Variants in STAB2 observed in about 807,000 individuals in gnomAD.
STAB2 encodes the protein stabilin-2.
In STAB2, 288 loss-of-function variants were observed where a neutral mutation model predicts 338.1. The ratio of observed to expected loss-of-function variants is 0.85; its 90% confidence interval spans 0.77 to 0.94. The LOEUF (loss-of-function observed/expected upper bound fraction) is 0.94, where lower values mean the gene tolerates loss of function less well. Among genes scored for constraint, STAB2 ranks in the 40% least tolerant of loss-of-function variants. STAB2 has a pLI of 0.00. For synonymous variants in STAB2, 1,202 were observed against 1,193.3 expected, an observed-to-expected ratio of 1.01 and a Z score of -0.15; for missense variants, 3,141 against 3,210.1, an observed-to-expected ratio of 0.98 and a Z score of 0.52.
intron 6 of STAB2, among the ~76,000 whole-genome samples, chr12:103,633,323 G>T (rs867620453): frequency 6.6e-6 from 1 of 152,184 alleles, no homozygotes; most frequent in African/African-American, 2.4e-5. Flanking sequence ...AAATTCACAT[G>T]GCAGATACAT....
At chr12:103,668,619 C>T (rs374562850) in intron 19 of STAB2, 24 bp from the exon 20 acceptor site, 2 of 1,549,588 alleles carry the variant, frequency 1.3e-6, no homozygotes, top group Admixed American at 2.0e-5. Context: ...GACTGCCATG[C>T]TTTCCCTCCT....
At chr12:103,715,732 C>A in intron 42 of STAB2, 83 bp from the exon 43 acceptor site, 1 of 1,509,350 alleles carries the variant, frequency 6.6e-7, no homozygotes, top group South Asian at 1.1e-5. Context: ...AGTCAGTTAG[C>A]CATCTTAGCT....
At chr12:103,728,667 A>T (rs1881399137) in intron 47 of STAB2, among the ~76,000 whole-genome samples, 182 bp from the exon 48 acceptor site, 1 of 152,166 alleles carries the variant, frequency 6.6e-6, no homozygotes, top group Admixed American at 6.5e-5. Flanking sequence ...AAGGAGCTAG[A>T]GTCACTTCCT....
chr12:103,754,595 G>C (rs756584859), intron 61 of STAB2, among the ~76,000 whole-genome samples: 5 of 152,134 alleles, frequency 3.3e-5, no homozygotes, highest in Admixed American at 1.3e-4. Flanking sequence ...TGGTGGTGAT[G>C]ATGGGGAGGA....
rs747762448 is a variant in STAB2 at position 103,742,409 on chromosome 12, C to T, written c.5886C>T (p.Cys1962=). ...CTGCTGTTTCATCTCTTCCAGCCTG[C>T]CCTGGAGGACCAGATGCCCCGTGTA... is the stretch of plus-strand genomic sequence containing the variant. ...KGYFGRDCQA[C]PGGPDAPCNN... is the part of the protein sequence containing the mutation. The change falls in exon 56 of 69, where the codon TGC becomes TGT. Residue 1962 remains cysteine, a synonymous_variant. Coordinates refer to ENST00000388887, the MANE Select transcript of STAB2 (RefSeq NM_017564.10). 2 of 1,614,006 alleles carry T rather than the reference C, an allele frequency of 1.2e-6. No individual in the cohort carries two copies. The highest frequency in any genetic ancestry group is 2.2e-5 in the East Asian group (1 of 44,890).
At chr12:103,686,734 T>G (rs696214) in intron 27 of STAB2, among the ~76,000 whole-genome samples, 68,041 of 152,018 alleles carry the variant, frequency 0.45, 15,292 homozygotes, top group East Asian at 0.53. Flanking sequence ...TCCAAGTGAT[T>G]CACATACCTC....
At position 103,652,601 on chromosome 12, in the gene STAB2, A is replaced by G. The variant is rs2138734663; in HGVS notation, c.1303A>G (p.Lys435Glu). The change falls in exon 12 of 69, where the codon AAA becomes GAA. Residue 435 changes from lysine to glutamate, a missense_variant. Transcript: ENST00000388887. ...VDNKAAQYFVKLHIIAGQMNI... is the reference protein window; with the variant it reads ...VDNKAAQYFVELHIIAGQMNI... Reference sequence around the variant, plus strand: ...TAATAAAGCTGCTCAATACTTTGTGAAACTCCACATAATTGCTGGTCAGAT... The same window carrying G: ...TAATAAAGCTGCTCAATACTTTGTGGAACTCCACATAATTGCTGGTCAGAT... 6.2e-7 allele frequency: 1 copy of G among 1,608,678 alleles called. No homozygotes were observed. Among genetic ancestry groups the G allele is most frequent in the East Asian group, 2.2e-5 (1 of 44,778 alleles).
intron 67 of STAB2, 105 bp downstream of exon 67, chr12:103,762,507 A>C (rs1490375391): frequency 6.4e-7 from 1 of 1,566,186 alleles, no homozygotes; most frequent in Non-Finnish European, 8.7e-7. Context: ...CTCACCCAGA[A>C]GCAGTGTGTC....
chr12:103,763,771 G>T, intron 68 of STAB2, 163 bp downstream of exon 68: 1 of 633,130 alleles, frequency 1.6e-6, no homozygotes, highest in South Asian at 2.1e-5. Flanking sequence ...ACTGAAGCCA[G>T]TGTGGTTGCT....
chr12:103,610,666 G>GT (rs1459836778), intron 3 of STAB2, among the ~76,000 whole-genome samples: 37 of 152,188 alleles, frequency 2.4e-4, no homozygotes, highest in African/African-American at 8.9e-4. Context: ...TTTTTGAAGG[G>GT]TTTTTTATGT....
chr12:103,749,841 CAAAAAAAAAAAAA>C (rs369556936), intron 59 of STAB2, among the ~76,000 whole-genome samples: 5 of 51,150 alleles, frequency 9.8e-5, no homozygotes, highest in East Asian at 6.3e-4. Flanking sequence ...CTCTGTCTCA[CAAAAAAAAAAAAA>C]AAAAAAAAAA....
At chr12:103,708,821 T>C (rs751851600) in intron 39 of STAB2, among the ~76,000 whole-genome samples, 1 of 152,132 alleles carries the variant, frequency 6.6e-6, no homozygotes, top group Non-Finnish European at 1.5e-5. Flanking sequence ...ACTTTACATA[T>C]TGTCTAGTAA....
chr12:103,677,639 GAA>G (rs1566007361), intron 25 of STAB2, 28 bp downstream of exon 25: 1 of 1,594,850 alleles, frequency 6.3e-7, no homozygotes, highest in Non-Finnish European at 8.6e-7. Flanking sequence ...AGAGCAAAGA[GAA>G]AGCAGGAATC....
chr12:103,728,146 A>G (rs1427744974), intron 47 of STAB2, among the ~76,000 whole-genome samples: 1 of 152,130 alleles, frequency 6.6e-6, no homozygotes, highest in Non-Finnish European at 1.5e-5. Context: ...ACTTTATGTT[A>G]ATATTGTTTG....
chr12:103,758,302 C>T lies in STAB2; in HGVS notation c.7107+13C>T, dbSNP rs758786521. The T allele has an allele frequency of 1.1e-5, 18 of 1,612,272 alleles. No individual in the cohort carries two copies. The highest frequency in any genetic ancestry group is 1.4e-5 in the Non-Finnish European group (17 of 1,180,006). On this transcript the variant is annotated intron_variant, in intron 64 of 68. Coordinates refer to ENST00000388887, the MANE Select transcript of STAB2 (RefSeq NM_017564.10). ...GGGGGAGAATGAGGTGAGTTGAGTCCCTGGTGCCTTTGCTTTAGACTAGCA... is the reference window on the plus strand; with the variant it reads ...GGGGGAGAATGAGGTGAGTTGAGTCTCTGGTGCCTTTGCTTTAGACTAGCA...
Position 103,739,455 on chromosome 12 carries a change from G to T in STAB2, c.5741G>T (p.Trp1914Leu), listed in dbSNP as rs1041385316. ...SCVNTPSCPRWSKPKGVKQKC... is the reference protein window; with the variant it reads ...SCVNTPSCPRLSKPKGVKQKC... Reference sequence around the variant, plus strand: ...GTCAATACTCCCAGCTGCCCAAGGTGGAGTAAACCAAAGGTAATTAAGACT... The same window carrying T: ...GTCAATACTCCCAGCTGCCCAAGGTTGAGTAAACCAAAGGTAATTAAGACT... Residue 1914 changes from tryptophan (W) to leucine (L), a missense_variant, in exon 54 of 69, where the codon TGG (tryptophan) becomes TTG (leucine). Coordinates refer to ENST00000388887, the MANE Select transcript of STAB2 (RefSeq NM_017564.10). 6.3e-7 allele frequency: 1 copy of T among 1,592,880 alleles called. No homozygotes were observed. Among genetic ancestry groups the T allele is most frequent in the African/African-American group, 1.4e-5 (1 of 74,058 alleles).
chr12:103,756,336 A>G (rs1884100540), intron 63 of STAB2, among the ~76,000 whole-genome samples: 1 of 152,244 alleles, frequency 6.6e-6, no homozygotes, highest in African/African-American at 2.4e-5. Flanking sequence ...CAGTAATAAC[A>G]GCTAACATTT....
intron 28 of STAB2, among the ~76,000 whole-genome samples, chr12:103,689,539 T>G (rs1165530989): frequency 1.3e-5 from 2 of 151,860 alleles, no homozygotes; most frequent in Non-Finnish European, 2.9e-5. Flanking sequence ...ACACACATAC[T>G]CACAAGAACC....
chr12:103,672,672 C>T (rs996570820), intron 22 of STAB2, among the ~76,000 whole-genome samples: 1 of 152,164 alleles, frequency 6.6e-6, no homozygotes, highest in African/African-American at 2.4e-5. Flanking sequence ...CAAGCCCCCC[C>T]AGTCCTTGCC....
Sources: allele counts gnomAD v4.1 joint callset (sites outside exome capture counted in the v4.1 genomes callset), GRCh38; gene constraint gnomAD v4.1.1; transcripts MANE v1.5; gene names NCBI Gene and HGNC (gene_info 2026-07-23, HGNC 2026-07-21).